BANK1: variants seen among roughly 807,000 people sequenced by gnomAD.
BANK1 encodes B-cell scaffold protein with ankyrin repeats.
In BANK1, 95 loss-of-function variants were observed where a neutral mutation model predicts 94.5. The observed-to-expected ratio is 1.00, with a 90% CI of 0.85 to 1.19. BANK1 has a LOEUF of 1.19. Ranked by LOEUF, BANK1 falls within the 50% of genes most tolerant of loss-of-function variation. BANK1 has a pLI of 0.00. For missense variants in BANK1, 987 were observed against 932.2 expected (o/e 1.06, Z -0.77); for synonymous variants, 334 against 308.4 (o/e 1.08, Z -0.87).
intron 7 of BANK1, among the ~76,000 whole-genome samples, chr4:102,001,786 T>C (rs1726085268): frequency 6.6e-6 from 1 of 151,852 alleles, no homozygotes; most frequent in Non-Finnish European, 1.5e-5. Flanking sequence ...AGGGGTAAAA[T>C]AGGAGCCAGC....
At chr4:102,018,807 C>G (rs1325653710) in intron 7 of BANK1, among the ~76,000 whole-genome samples, 1 of 145,832 alleles carries the variant, frequency 6.9e-6, no homozygotes, top group Non-Finnish European at 1.5e-5. Context: ...TATTTCTTTT[C>G]TTTCTTTCTT....
intron 7 of BANK1, among the ~76,000 whole-genome samples, chr4:101,993,062 G>A (rs1725762884): frequency 1.3e-5 from 2 of 152,080 alleles, no homozygotes; most frequent in South Asian, 2.1e-4. Context: ...CACTCTTAAC[G>A]GCACAGTTGG....
chr4:101,918,089 C>A lies in BANK1; in HGVS notation c.1106C>A (p.Thr369Asn). Residue 369 changes from threonine (T) to asparagine (N), a missense_variant, in exon 7 of 17, where the codon ACC becomes AAC. By Grantham distance (65) the Thr-to-Asn change is moderately conservative (BLOSUM62 0). Coordinates refer to ENST00000322953, the MANE Select transcript of BANK1 (RefSeq NM_017935.5). ...AIHLLQCSGATWASKMKNMEG... is the reference protein window; with the variant it reads ...AIHLLQCSGANWASKMKNMEG... Reference sequence around the variant, plus strand: ...CATTTGCTTCAATGTTCAGGAGCAACCTGGGCATCTAAGATGAAAAATATG... The same window carrying A: ...CATTTGCTTCAATGTTCAGGAGCAAACTGGGCATCTAAGATGAAAAATATG... 2 of 1,612,006 alleles carry A rather than the reference C, an allele frequency of 1.2e-6. No individual in the cohort carries two copies. The highest frequency in any genetic ancestry group is 1.3e-5 in the African/African-American group (1 of 74,904).
intron 7 of BANK1, among the ~76,000 whole-genome samples, chr4:101,993,188 A>G (rs766241789): frequency 8.5e-5 from 13 of 152,190 alleles, no homozygotes; most frequent in Non-Finnish European, 1.9e-4. Context: ...GAGTGGCTGT[A>G]AGTATGCATG....
intron 9 of BANK1, among the ~76,000 whole-genome samples, chr4:102,027,894 T>C (rs1366560194): frequency 1.3e-5 from 2 of 152,208 alleles, no homozygotes; most frequent in African/African-American, 4.8e-5. Flanking sequence ...ATGTGTCAGT[T>C]GCTTCTATTA....
Position 102,056,623 on chromosome 4 carries a change from A to G in BANK1, c.1970-3588A>G, listed in dbSNP as rs551075630. On this transcript the variant is annotated intron_variant, in intron 11 of 16. Transcript: ENST00000322953. The stretch of plus-strand genomic sequence containing the variant: ...CCTGTTTCTGAAGAGTATAATAATG[A>G]GTGGCAGTTATTTCAGTTTTCAGTA... Among the ~76,000 whole-genome samples, 4 of 152,198 alleles carry G rather than the reference A, an allele frequency of 2.6e-5. No individual in the cohort carries two copies. In the East Asian group the frequency reaches 7.7e-4, roughly 29 times the overall value.
At chr4:101,926,358 A>G (rs1723152967) in intron 7 of BANK1, among the ~76,000 whole-genome samples, 1 of 151,748 alleles carries the variant, frequency 6.6e-6, no homozygotes, top group African/African-American at 2.4e-5. Context: ...TGATTGACTT[A>G]TTCTGCCTCT....
intron 6 of BANK1, among the ~76,000 whole-genome samples, chr4:101,915,435 AG>A (rs1722795577): frequency 6.6e-6 from 1 of 152,168 alleles, no homozygotes; most frequent in African/African-American, 2.4e-5. Context: ...TTATTTAGCA[AG>A]AAGAAATTAA....
intron 1 of BANK1, chr4:101,813,849 A>T (rs1372197966): frequency 2.0e-6 from 2 of 985,276 alleles, no homozygotes; most frequent in Non-Finnish European, 2.4e-6. Flanking sequence ...GCTGCAGAGG[A>T]TGCACACATC....
At chr4:101,872,194 A>G (rs1728315032) in intron 5 of BANK1, among the ~76,000 whole-genome samples, 1 of 152,140 alleles carries the variant, frequency 6.6e-6, no homozygotes, top group African/African-American at 2.4e-5. Context: ...GGTCTGAGTA[A>G]TGATGGACAG....
intron 1 of BANK1, among the ~76,000 whole-genome samples, chr4:101,800,299 G>T (rs1725316620): frequency 6.6e-6 from 1 of 151,508 alleles, no homozygotes. Context: ...AAAAAGAAAA[G>T]AAAAAGAATT....
chr4:102,035,692 A>G (rs534267948), intron 10 of BANK1, among the ~76,000 whole-genome samples: 9 of 151,674 alleles, frequency 5.9e-5, no homozygotes, highest in Non-Finnish European at 8.8e-5. Flanking sequence ...TTTTTTTATC[A>G]AGATATATGT....
At chr4:101,822,663 T>G (rs1726212251) in intron 1 of BANK1, among the ~76,000 whole-genome samples, 2 of 151,524 alleles carry the variant, frequency 1.3e-5, no homozygotes, top group Admixed American at 6.6e-5. Flanking sequence ...TTGCCCAGGC[T>G]GGAGTGCGGT....
intron 1 of BANK1, among the ~76,000 whole-genome samples, chr4:101,808,732 G>A (rs1412518753): frequency 6.6e-6 from 1 of 151,784 alleles, no homozygotes; most frequent in Non-Finnish European, 1.5e-5. Context: ...TATATAAATA[G>A]CCAACAAACA....
chr4:101,945,944 GA>G (rs1374049699), intron 7 of BANK1, among the ~76,000 whole-genome samples: 3 of 151,936 alleles, frequency 2.0e-5, no homozygotes, highest in African/African-American at 4.8e-5. Flanking sequence ...ATATTAGTGA[GA>G]GGGGGCTACG....
chr4:101,917,028 G>C (rs769649377), intron 6 of BANK1, among the ~76,000 whole-genome samples: 8 of 152,066 alleles, frequency 5.3e-5, no homozygotes, highest in Admixed American at 2.6e-4. Context: ...AAGTAAATGT[G>C]TGCATTTAAG....
intron 7 of BANK1, among the ~76,000 whole-genome samples, chr4:101,926,092 GA>G (rs1723142277): frequency 1.3e-5 from 2 of 151,632 alleles, no homozygotes; most frequent in Non-Finnish European, 3.0e-5. Context: ...CTTGATTCTT[GA>G]AGATAGGAAA....
At chr4:101,805,103 A>C (rs1178053845) in intron 1 of BANK1, among the ~76,000 whole-genome samples, 1 of 152,194 alleles carries the variant, frequency 6.6e-6, no homozygotes, top group Non-Finnish European at 1.5e-5. Context: ...ATACATCAAA[A>C]TGTTCTAAAA....
chr4:101,792,861 A>G (rs1725044609), intron 1 of BANK1, among the ~76,000 whole-genome samples: 2 of 152,194 alleles, frequency 1.3e-5, no homozygotes. Context: ...GTTCTCTAAA[A>G]CAAGGTAAAA....
Sources: gnomAD v4.1 joint callset for allele counts (sites outside exome capture counted in the v4.1 genomes callset) on GRCh38, gnomAD v4.1.1 for gene constraint, MANE v1.5 for transcripts, NCBI Gene and HGNC (gene_info 2026-07-23, HGNC 2026-07-21) for gene names.